The following PTPRN2 variants were observed in gnomAD, a reference collection of about 807,000 sequenced individuals.
PTPRN2 encodes protein tyrosine phosphatase receptor type N2.
PTPRN2 carries 74 observed loss-of-function variants against 118.8 expected under a neutral mutation model. The observed-to-expected ratio is 0.62, with a 90% CI of 0.52 to 0.76. The LOEUF (loss-of-function observed/expected upper bound fraction) is 0.76, where lower values mean the gene tolerates loss of function less well. Ranked by LOEUF, PTPRN2 falls within the 30% of genes least tolerant of loss-of-function variation. PTPRN2 has a pLI of 0.00. For synonymous variants in PTPRN2, 641 were observed against 608.0 expected, an observed-to-expected ratio of 1.05 and a Z score of -0.80; for missense variants, 1,481 against 1,394.4, an observed-to-expected ratio of 1.06 and a Z score of -0.99.
At chr7:158,152,436 G>T (rs1307891443) in intron 6 of PTPRN2, among the ~76,000 whole-genome samples, 2 of 152,148 alleles carry the variant, frequency 1.3e-5, no homozygotes, top group African/African-American at 2.4e-5. Context: ...CTGGCGTGTT[G>T]GGTTGGAAGA....
intron 2 of PTPRN2, among the ~76,000 whole-genome samples, chr7:158,434,833 A>T (rs7807703): frequency 0.98 from 148,949 of 152,218 alleles, 72,912 homozygotes; most frequent in African/African-American, 1. Context: ...ATAACACGGG[A>T]CCTTGATTTA....
intron 12 of PTPRN2, among the ~76,000 whole-genome samples, chr7:157,734,460 T>A (rs911921435): frequency 3.3e-5 from 5 of 152,376 alleles, no homozygotes; most frequent in East Asian, 1.9e-4. Context: ...GGAGCAAGCA[T>A]GCTTGAATAT....
In PTPRN2 at chr7:158,529,984, T is replaced by C. The variant is rs980035534; in HGVS notation, c.113-40199A>G. Among the ~76,000 whole-genome samples the C allele has an allele frequency of 6.6e-5, 10 of 151,974 alleles. No homozygotes were observed. Among genetic ancestry groups the C allele is most frequent in the Non-Finnish European group, 1.2e-4 (8 of 67,998 alleles). ...ACAAGCATGCACGCCACACATGCCA[T>C]ACACACCACACGCATGCCACATGCA... is the stretch of plus-strand genomic sequence containing the variant. On this transcript the variant is annotated intron_variant, in intron 1 of 22. Coordinates refer to ENST00000389418, the MANE Select transcript of PTPRN2 (RefSeq NM_002847.5). This position sits in a 1 kb window ranked among gnomAD's most constrained non-coding sequence, Gnocchi z 4.7.
intron 11 of PTPRN2, among the ~76,000 whole-genome samples, chr7:157,931,211 C>T (rs1220261633): frequency 6.6e-6 from 1 of 152,260 alleles, no homozygotes; most frequent in Non-Finnish European, 1.5e-5. Flanking sequence ...CCCTGGCTGT[C>T]CCAGCAATTC....
intron 12 of PTPRN2, among the ~76,000 whole-genome samples, chr7:157,860,671 C>T (rs1311620931): frequency 6.6e-6 from 1 of 152,252 alleles, no homozygotes; most frequent in African/African-American, 2.4e-5. Flanking sequence ...GCCTTAATAT[C>T]TCGCTCACTA....
chr7:157,732,106 C>A (rs1210254519), intron 12 of PTPRN2, among the ~76,000 whole-genome samples: 1 of 73,948 alleles, frequency 1.4e-5, no homozygotes, highest in African/African-American at 5.9e-5. Context: ...CCGTCCCACG[C>A]GCCCAGCACA....
intron 13 of PTPRN2, among the ~76,000 whole-genome samples, chr7:157,659,829 C>T (rs1795807215): frequency 6.6e-6 from 1 of 152,130 alleles, no homozygotes; most frequent in Non-Finnish European, 1.5e-5. Context: ...ACTGCAGCCT[C>T]CACCTCCTGG....
intron 12 of PTPRN2, among the ~76,000 whole-genome samples, chr7:157,883,202 A>G (rs1385202039): frequency 1.3e-5 from 2 of 150,834 alleles, no homozygotes; most frequent in Non-Finnish European, 3.0e-5. Context: ...CCCAAAAATG[A>G]CTGTTGGAGA....
intron 2 of PTPRN2, among the ~76,000 whole-genome samples, chr7:158,449,800 C>G (rs1005266086): frequency 6.6e-6 from 1 of 152,250 alleles, no homozygotes; most frequent in African/African-American, 2.4e-5. Context: ...CGCATAATCC[C>G]TTGTGATTTT....
intron 13 of PTPRN2, chr7:157,669,675 TAA>T (rs1338936658): frequency 2.6e-6 from 1 of 382,028 alleles, no homozygotes; most frequent in East Asian, 7.4e-5. Context: ...AAACAAAAAT[TAA>T]AGATATAGAC....
chr7:157,581,589 AGC>A (rs1029374992), intron 17 of PTPRN2, among the ~76,000 whole-genome samples: 1 of 152,256 alleles, frequency 6.6e-6, no homozygotes, highest in Non-Finnish European at 1.5e-5. Flanking sequence ...GTTCAGCAGC[AGC>A]AAGTGGAGAA....
chr7:158,468,546 T>G (rs1819549466), intron 2 of PTPRN2, among the ~76,000 whole-genome samples: 1 of 151,054 alleles, frequency 6.6e-6, no homozygotes, highest in Non-Finnish European at 1.5e-5. Context: ...GGCATCACTA[T>G]TTTTCAAAGC....
rs111526566 is a variant in PTPRN2 at position 158,062,896 on chromosome 7, C to T, written c.1723+18402G>A. 5.9e-5 allele frequency among the ~76,000 whole-genome samples: 9 copies of T among 152,212 alleles called. No individual in the cohort carries two copies. In the East Asian group the frequency reaches 9.7e-4, roughly 16 times the overall value. ...GTGCGGCCTGAGCCTCCCCGACAAG[C>T]GCCGCCCCCTGCTCCGCGGCGCCCA... On this transcript the variant is annotated intron_variant, in intron 11 of 22. Coordinates refer to ENST00000389418, the MANE Select transcript of PTPRN2 (RefSeq NM_002847.5).
rs1252261160 is a variant in PTPRN2 at position 157,622,297 on chromosome 7, T to G, written c.2197-788A>C. On this transcript the variant is annotated intron_variant, in intron 14 of 22. Transcript: ENST00000389418. The surrounding 1 kb of genome is among the most constrained non-coding windows in gnomAD (Gnocchi z 5.3). Reference sequence around the variant, plus strand: ...TTTGCAAGGTACTGTGTGTCATGTGTAGACACAGGTTCCAAGTGTGTCCAC... The same window carrying G: ...TTTGCAAGGTACTGTGTGTCATGTGGAGACACAGGTTCCAAGTGTGTCCAC... Among the ~76,000 whole-genome samples, 1 of 152,022 alleles carries G rather than the reference T, an allele frequency of 6.6e-6. No individual in the cohort carries two copies. Among genetic ancestry groups the G allele is most frequent in the Non-Finnish European group, 1.5e-5 (1 of 68,018 alleles).
chr7:158,069,708 A>G (rs574638661), intron 11 of PTPRN2, among the ~76,000 whole-genome samples: 5 of 152,338 alleles, frequency 3.3e-5, no homozygotes, highest in East Asian at 3.9e-4. Flanking sequence ...TACTGAAAAG[A>G]GAGTACTTCA....
intron 11 of PTPRN2, among the ~76,000 whole-genome samples, chr7:158,048,812 TATC>T (rs1038080300): frequency 1.3e-4 from 19 of 146,396 alleles, no homozygotes; most frequent in Non-Finnish European, 2.5e-4. Flanking sequence ...CCACCATCAC[TATC>T]ATCATCACCA....
intron 10 of PTPRN2, among the ~76,000 whole-genome samples, chr7:158,083,873 G>A (rs191673239): frequency 2.0e-5 from 3 of 150,846 alleles, no homozygotes; most frequent in South Asian, 2.1e-4. Flanking sequence ...AGCTGTCTCC[G>A]GAGGAGACTC....
intron 2 of PTPRN2, among the ~76,000 whole-genome samples, chr7:158,445,402 T>C (rs1265108801): frequency 6.6e-6 from 1 of 152,128 alleles, no homozygotes; most frequent in Non-Finnish European, 1.5e-5. Flanking sequence ...CACCACACTC[T>C]ACACTGCACA....
intron 11 of PTPRN2, among the ~76,000 whole-genome samples, chr7:158,054,759 C>G (rs541796544): frequency 6.6e-6 from 1 of 152,246 alleles, no homozygotes; most frequent in African/African-American, 2.4e-5. Context: ...CCCGTAGCAC[C>G]GTCAGCCCTG....
Sources: allele counts gnomAD v4.1 joint callset (sites outside exome capture counted in the v4.1 genomes callset), GRCh38; gene constraint gnomAD v4.1.1; non-coding constraint Gnocchi (gnomAD v3.1); transcripts MANE v1.5; gene names NCBI Gene and HGNC (gene_info 2026-07-23, HGNC 2026-07-21).